ZFP64: variants seen among roughly 807,000 people sequenced by gnomAD.
ZFP64 encodes ZFP64 zinc finger protein.
ZFP64 carries 14 observed loss-of-function variants against 51.6 expected under a neutral mutation model. The observed-to-expected ratio is 0.27, with a 90% confidence interval of 0.18 to 0.42. ZFP64 has a LOEUF of 0.42. Ranked by LOEUF, ZFP64 falls within the 10% of genes least tolerant of loss-of-function variation. The pLI is 1.00. For synonymous variants in ZFP64, 375 were observed against 361.4 expected (o/e 1.04, Z -0.43); for missense variants, 754 against 906.8 (o/e 0.83, Z 2.16).
In ZFP64 at chr20:52,152,596, C is replaced by A. The variant is rs371710298; in HGVS notation, c.1596G>T (p.Glu532Asp). 2.5e-5 allele frequency: 38 copies of A among 1,546,768 alleles called. 1 individual carries two copies. Among genetic ancestry groups the A allele is most frequent in the East Asian group, 2.3e-4 (10 of 44,416 alleles). ...GCAGCCGGCTGTTCCCTGGGAGTTC[C>A]TCTGGGTTCTGGGCCACCAAGGCAG... ...VPPALVAQNP[E>D]ELPGNSRLQI... Residue 532 changes from glutamate (E) to aspartate (D), a missense_variant, in exon 6 of 6, where the codon GAG becomes GAT. Glu to Asp is a conservative substitution (Grantham distance 45, BLOSUM62 2). Around this residue, in one of 3 missense-constraint regions of ZFP64, gnomAD observed 428 missense variants for 472.4 expected, o/e 0.91. Coordinates refer to ENST00000216923, the MANE Select transcript of ZFP64 (RefSeq NM_018197.3).
intron 2 of ZFP64, among the ~76,000 whole-genome samples, chr20:52,181,473 C>G (rs962251213): frequency 6.6e-6 from 1 of 152,136 alleles, no homozygotes; most frequent in African/African-American, 2.4e-5. Context: ...TGCCAGACAA[C>G]GGGCAGCTTT....
chr20:52,150,813 T>G (rs1297988965), downstream of ZFP64, among the ~76,000 whole-genome samples: 1 of 152,168 alleles, frequency 6.6e-6, no homozygotes, highest in Admixed American at 6.5e-5. Flanking sequence ...GGTACAAATA[T>G]GGATGATTCT....
intron 5 of ZFP64, among the ~76,000 whole-genome samples, chr20:52,124,537 C>T (rs899767214): frequency 8.6e-5 from 13 of 151,792 alleles, no homozygotes; most frequent in Non-Finnish European, 1.8e-4. Context: ...TGAGTGTTCA[C>T]TAAAAAATTC....
Position 52,085,696 on chromosome 20 carries a change from C to T in ZFP64, c.1229-430G>A, listed in dbSNP as rs1387120475. 1.3e-5 allele frequency among the ~76,000 whole-genome samples: 2 copies of T among 152,144 alleles called. No individual in the cohort carries two copies. The highest frequency in any genetic ancestry group is 6.6e-5 in the Admixed American group (1 of 15,264). On this transcript the variant is annotated intron_variant, in intron 8 of 8. Coordinates refer to the ZFP64 transcript ENST00000361387. This position sits in a 1 kb window ranked among gnomAD's most constrained non-coding sequence, Gnocchi z 4.3. ...AATCAAGCTAAGACCTGTGAAGACGCTTACTATAGTGTTTAATCTATATGA... is the reference window on the plus strand; with the variant it reads ...AATCAAGCTAAGACCTGTGAAGACGTTTACTATAGTGTTTAATCTATATGA...
intron 7 of ZFP64, chr20:52,096,914 A>G (rs184861632): frequency 2.7e-6 from 1 of 367,974 alleles, no homozygotes; most frequent in African/African-American, 2.1e-5. Flanking sequence ...ACAAAAAGAT[A>G]GTATTTTAGG....
At chr20:52,084,888 C>T in exon 9 of ZFP64, 2 of 1,613,692 alleles carry the variant, frequency 1.2e-6, no homozygotes, top group Non-Finnish European at 1.7e-6. Flanking sequence ...GGCCAGGCTG[C>T]TGGGCCGCTT....
chr20:52,165,509 C>G (rs1319035727), intron 3 of ZFP64: 1 of 479,282 alleles, frequency 2.1e-6, no homozygotes, highest in African/African-American at 2.0e-5. Context: ...TGCAACTTTT[C>G]TGTACATCTG....
Position 52,191,546 on chromosome 20 carries a change from C to T in ZFP64, c.46+45G>A. 2 of 1,517,990 alleles carry T rather than the reference C, an allele frequency of 1.3e-6. No individual in the cohort carries two copies. The highest frequency in any genetic ancestry group is 1.8e-6 in the Non-Finnish European group (2 of 1,136,714). 94.0% of individuals were successfully genotyped at this position (1,517,990 alleles called of 1,614,324 possible). A position where few individuals can be genotyped will look rare whatever the true frequency, so the allele number is the denominator to read the frequency against. On this transcript the variant is annotated intron_variant, in intron 1 of 5. Coordinates refer to ENST00000216923, the MANE Select transcript of ZFP64 (RefSeq NM_018197.3). The surrounding 1 kb of genome is among the most constrained non-coding windows in gnomAD (Gnocchi z 4.3). ...GTGCTTGGGCCCGGGCCCCGGAGCGCGCACTGGGCCCCGGAGCGCGCACTG... is the reference window on the plus strand; with the variant it reads ...GTGCTTGGGCCCGGGCCCCGGAGCGTGCACTGGGCCCCGGAGCGCGCACTG...
chr20:52,187,558 G>T (rs1441823151), intron 1 of ZFP64, among the ~76,000 whole-genome samples: 2 of 151,978 alleles, frequency 1.3e-5, no homozygotes, highest in Non-Finnish European at 2.9e-5. Flanking sequence ...GCAGGCAGAG[G>T]TTGCAGTGAG....
chr20:52,087,710 G>A (rs2078879189), intron 8 of ZFP64, among the ~76,000 whole-genome samples: 1 of 152,176 alleles, frequency 6.6e-6, no homozygotes, highest in Non-Finnish European at 1.5e-5. Flanking sequence ...CCCAAGCTTT[G>A]TGGCCCTGGC....
chr20:52,186,976 C>A lies in ZFP64; in HGVS notation c.142G>T (p.Ala48Ser), dbSNP rs770564081. Residue 48 changes from alanine (A) to serine (S), a missense_variant, in exon 2 of 6, where the codon GCT (alanine) becomes TCT (serine). Physicochemically the swap from Ala to Ser is moderately conservative, Grantham distance 99. Coordinates refer to ENST00000216923, the MANE Select transcript of ZFP64 (RefSeq NM_018197.3). ...AGCTGGCAGCCACTTTGCTTGTGAG[C>A]TACAAAGGCATCCAGGTTGTTAAAC... is the stretch of plus-strand genomic sequence containing the variant. Reference protein sequence around the residue: ...QQFNNLDAFVAHKQSGCQLTG... With the variant: ...QQFNNLDAFVSHKQSGCQLTG... 12 of 1,613,988 alleles carry A rather than the reference C, an allele frequency of 7.4e-6. No individual in the cohort carries two copies. In the East Asian group the frequency reaches 2.7e-4, roughly 36 times the overall value.
intron 2 of ZFP64, among the ~76,000 whole-genome samples, chr20:52,184,346 C>T (rs1387795573): frequency 6.6e-6 from 1 of 152,178 alleles, no homozygotes. Flanking sequence ...AGAACAGCTG[C>T]ACTTTTGGAT....
intron 2 of ZFP64, among the ~76,000 whole-genome samples, chr20:52,177,568 T>G (rs1388873069): frequency 6.6e-6 from 1 of 152,068 alleles, no homozygotes; most frequent in African/African-American, 2.4e-5. Flanking sequence ...GCCGCCACCA[T>G]GCGGCCATGC....
intron 5 of ZFP64, among the ~76,000 whole-genome samples, chr20:52,154,317 G>A (rs899513895): frequency 1.3e-5 from 2 of 152,132 alleles, no homozygotes; most frequent in African/African-American, 4.8e-5. Flanking sequence ...CCTGTGGTGG[G>A]TGCTATTATT....
At position 52,151,997 on chromosome 20, in the gene ZFP64, A is replaced by T; in HGVS notation, c.*149T>A. 4.2e-6 allele frequency: 6 copies of T among 1,421,616 alleles called. No individual in the cohort carries two copies. Among genetic ancestry groups the T allele is most frequent in the Non-Finnish European group, 5.5e-6 (6 of 1,086,608 alleles). 88.1% of individuals were successfully genotyped at this position (1,421,616 alleles called of 1,614,324 possible). ...CGTTGCAGTGAGCCAAGATAGCGCCACTGCACTCCAGCCTGGGAAACAGAG... is the reference window on the plus strand; with the variant it reads ...CGTTGCAGTGAGCCAAGATAGCGCCTCTGCACTCCAGCCTGGGAAACAGAG... On this transcript the variant is annotated 3_prime_UTR_variant, in exon 6 of 6. Coordinates refer to ENST00000216923, the MANE Select transcript of ZFP64 (RefSeq NM_018197.3).
At chr20:52,147,338 A>C (rs1980574614), downstream of ZFP64, among the ~76,000 whole-genome samples, 1 of 152,170 alleles carries the variant, frequency 6.6e-6, no homozygotes, top group Non-Finnish European at 1.5e-5. Flanking sequence ...GAGTGGAAGA[A>C]AATGACCTAA....
chr20:52,161,806 T>G (rs1981832345), intron 4 of ZFP64, among the ~76,000 whole-genome samples: 1 of 152,196 alleles, frequency 6.6e-6, no homozygotes. Context: ...GAATGAGACA[T>G]AGAGGTCTAT....
At chr20:52,175,620 G>A (rs1983128298) in intron 2 of ZFP64, among the ~76,000 whole-genome samples, 1 of 152,156 alleles carries the variant, frequency 6.6e-6, no homozygotes, top group African/African-American at 2.4e-5. Flanking sequence ...CGAGGCGGTC[G>A]GATCCCTTGA....
intron 5 of ZFP64, among the ~76,000 whole-genome samples, chr20:52,133,953 C>G (rs527587161): frequency 1.4e-5 from 2 of 147,810 alleles, no homozygotes; most frequent in Admixed American, 6.9e-5. Flanking sequence ...CACCTGAGCC[C>G]GGGAGGTGGA....
Sources: gnomAD v4.1 joint callset for allele counts (sites outside exome capture counted in the v4.1 genomes callset) on GRCh38, gnomAD v4.1.1 for gene constraint, gnomAD v4.1.1 regional missense constraint, Gnocchi (gnomAD v3.1) non-coding constraint, MANE v1.5 for transcripts, NCBI Gene and HGNC (gene_info 2026-07-23, HGNC 2026-07-21) for gene names.